The following CACNA2D1 variants were observed in gnomAD, a reference collection of about 807,000 sequenced individuals.
The protein encoded by CACNA2D1 is calcium voltage-gated channel auxiliary subunit alpha2delta 1.
Under a neutral mutation model 171.5 loss-of-function variants are expected in CACNA2D1, and 53 were observed. That is an observed-to-expected ratio of 0.31 (90% CI 0.25 to 0.39). CACNA2D1 has a LOEUF of 0.39. Ranked by LOEUF, CACNA2D1 falls within the 10% of genes least tolerant of loss-of-function variation. CACNA2D1 has a pLI of 1.00. For missense variants in CACNA2D1, 903 were observed against 1,299.8 expected, an observed-to-expected ratio of 0.69 and a Z score of 4.69; for synonymous variants, 442 against 443.1, an observed-to-expected ratio of 1.00 and a Z score of 0.03.
intron 3 of CACNA2D1, among the ~76,000 whole-genome samples, chr7:82,221,491 T>C (rs142018414): frequency 1.3e-5 from 2 of 152,260 alleles, no homozygotes; most frequent in Non-Finnish European, 2.9e-5. Context: ...AGGCCTGTAA[T>C]TCTGGCACTT....
At chr7:82,064,408 T>G (rs1309143229) in intron 8 of CACNA2D1, 54 bp from the exon 9 acceptor site, 4 of 1,330,816 alleles carry the variant, frequency 3.0e-6, no homozygotes, top group Middle Eastern at 1.9e-4. Context: ...CAAACACTGA[T>G]ATTTGTTGAA....
intron 10 of CACNA2D1, among the ~76,000 whole-genome samples, chr7:82,056,859 G>A (rs976964635): frequency 6.6e-5 from 10 of 152,108 alleles, no homozygotes; most frequent in South Asian, 2.1e-4. Context: ...CTGATTTATC[G>A]TGGGATACTG....
At chr7:82,083,349 A>G in intron 7 of CACNA2D1, among the ~76,000 whole-genome samples, 1 of 151,914 alleles carries the variant, frequency 6.6e-6, no homozygotes, top group Admixed American at 6.6e-5. Context: ...GTTTTATAAG[A>G]CCTGATACAA....
intron 21 of CACNA2D1, among the ~76,000 whole-genome samples, chr7:81,990,675 T>C (rs1325055764): frequency 1.3e-5 from 2 of 152,092 alleles, no homozygotes; most frequent in African/African-American, 4.8e-5. Context: ...TGAGCAAGTG[T>C]TGAAGAATGG....
At chr7:82,220,273 A>G (rs915192222) in intron 3 of CACNA2D1, among the ~76,000 whole-genome samples, 2 of 152,040 alleles carry the variant, frequency 1.3e-5, no homozygotes, top group East Asian at 1.9e-4. Context: ...GACGGTAATT[A>G]TTTTTTTTAA....
At chr7:82,232,861 C>CAAAAAAAAAAAAAAA (rs71093370) in intron 3 of CACNA2D1, among the ~76,000 whole-genome samples, 6 of 52,412 alleles carry the variant, frequency 1.1e-4, no homozygotes, top group African/African-American at 4.0e-4. Flanking sequence ...GAGATGTCTC[C>CAAAAAAAAAAAAAAA]AAAAAAAAAA....
chr7:82,183,036 T>TAA (rs34429630), intron 3 of CACNA2D1, among the ~76,000 whole-genome samples: 7 of 134,476 alleles, frequency 5.2e-5, no homozygotes, highest in East Asian at 2.1e-4. Context: ...GACTCCATCT[T>TAA]AAAAAAAAAA....
At chr7:82,324,784 T>C (rs1188872409) in intron 3 of CACNA2D1, among the ~76,000 whole-genome samples, 2 of 152,164 alleles carry the variant, frequency 1.3e-5, no homozygotes. Context: ...AAAATTCTGA[T>C]AGCCTATTAT....
chr7:82,187,572 A>C (rs1269348653), intron 3 of CACNA2D1, among the ~76,000 whole-genome samples: 2 of 152,208 alleles, frequency 1.3e-5, no homozygotes, highest in Non-Finnish European at 2.9e-5. Context: ...AAAAGATATT[A>C]ATAGTCAAGA....
At chr7:82,211,668 A>G (rs749403973) in intron 3 of CACNA2D1, among the ~76,000 whole-genome samples, 1 of 152,208 alleles carries the variant, frequency 6.6e-6, no homozygotes, top group Non-Finnish European at 1.5e-5. Context: ...CACAATAAAC[A>G]TACAAGTGCA....
intron 3 of CACNA2D1, among the ~76,000 whole-genome samples, chr7:82,181,025 C>G (rs1429092732): frequency 1.0e-5 from 1 of 99,366 alleles, no homozygotes; most frequent in Admixed American, 1.3e-4. Flanking sequence ...TGGTCAGCAG[C>G]TGTGGGGCAT....
chr7:82,277,745 C>CTTTTTTTT lies in CACNA2D1; in HGVS notation c.294+57389_294+57390insAAAAAAAA, dbSNP rs1186719410. 3.5e-5 allele frequency among the ~76,000 whole-genome samples: 5 copies of CTTTTTTTT among 142,092 alleles called. 2 individuals are homozygous for CTTTTTTTT. The highest frequency in any genetic ancestry group is 1.5e-5 in the Non-Finnish European group (1 of 66,144). 93.2% of individuals were successfully genotyped at this position (142,092 alleles called of 152,430 possible). On this transcript the variant is annotated intron_variant, in intron 3 of 38. Coordinates refer to ENST00000356860, the MANE Select transcript of CACNA2D1 (RefSeq NM_000722.4). ...GCATATTTGATTTTTTAATTTTTTA[C>CTTTTTTTT]TTTTATTTTTTTTTTTTTGAGATGG...
intron 7 of CACNA2D1, among the ~76,000 whole-genome samples, chr7:82,073,953 A>G (rs1409416360): frequency 1.3e-5 from 2 of 152,336 alleles, no homozygotes; most frequent in East Asian, 3.9e-4. Flanking sequence ...GATGGGCTCT[A>G]GGAACTAGGC....
rs139314380 is a variant in CACNA2D1 at position 82,112,783 on chromosome 7, T to C, written c.526+4261A>G. ...AGTTACTAAAATTTACAGGAGATTA[T>C]GCAATTGTCCAGAAAGACTGCAAGC... On this transcript the variant is annotated intron_variant, in intron 6 of 38. Transcript: ENST00000356860. Among the ~76,000 whole-genome samples the C allele has an allele frequency of 3.3e-5, 5 of 152,326 alleles. No individual in the cohort carries two copies. In the East Asian group the frequency reaches 9.6e-4, roughly 29 times the overall value.
At chr7:82,088,086 T>C (rs899605778) in intron 6 of CACNA2D1, among the ~76,000 whole-genome samples, 2 of 152,124 alleles carry the variant, frequency 1.3e-5, no homozygotes, top group African/African-American at 2.4e-5. Flanking sequence ...GAAGTTTTTT[T>C]TGTTTTGTTT....
chr7:82,311,356 C>T (rs1814444345), intron 3 of CACNA2D1, among the ~76,000 whole-genome samples: 1 of 151,612 alleles, frequency 6.6e-6, no homozygotes, highest in African/African-American at 2.4e-5. Context: ...ATTTCTAAAA[C>T]TCCAATACAA....
At chr7:82,211,901 TGTTTA>T in intron 3 of CACNA2D1, among the ~76,000 whole-genome samples, 1 of 152,216 alleles carries the variant, frequency 6.6e-6, no homozygotes, top group South Asian at 2.1e-4. Flanking sequence ...TGTTTTGTTT[TGTTTA>T]ATTTTTAATA....
chr7:82,078,687 A>G (rs1213987401), intron 7 of CACNA2D1, among the ~76,000 whole-genome samples: 1 of 152,244 alleles, frequency 6.6e-6, no homozygotes, highest in Non-Finnish European at 1.5e-5. Flanking sequence ...CAAATGCTAC[A>G]GCAGGCTATA....
intron 10 of CACNA2D1, among the ~76,000 whole-genome samples, chr7:82,040,352 G>A (rs1362021698): frequency 6.6e-6 from 1 of 150,828 alleles, no homozygotes; most frequent in African/African-American, 2.4e-5. Context: ...TCAATTTAGG[G>A]TGAGGTTTCA....
Sources: allele counts gnomAD v4.1 joint callset (sites outside exome capture counted in the v4.1 genomes callset), GRCh38; gene constraint gnomAD v4.1.1; transcripts MANE v1.5; gene names NCBI Gene and HGNC (gene_info 2026-07-23, HGNC 2026-07-21).